The following CGNL1 variants were observed in gnomAD, a reference collection of about 807,000 sequenced individuals.
CGNL1 encodes the protein cingulin like 1.
A neutral mutation model predicts 141.2 loss-of-function variants in CGNL1; 132 were observed. The ratio of observed to expected loss-of-function variants is 0.93; its 90% confidence interval spans 0.81 to 1.08. The LOEUF (loss-of-function observed/expected upper bound fraction) is 1.08, where lower values mean the gene tolerates loss of function less well. Ranked by LOEUF, CGNL1 falls within the 50% of genes least tolerant of loss-of-function variation. CGNL1 has a pLI of 0.00. For missense variants in CGNL1, 1,870 were observed against 1,588.6 expected, an observed-to-expected ratio of 1.18 and a Z score of -3.01; for synonymous variants, 690 against 622.1, an observed-to-expected ratio of 1.11 and a Z score of -1.63.
intron 7 of CGNL1, among the ~76,000 whole-genome samples, chr15:57,454,021 A>G (rs1215261526): frequency 6.6e-6 from 1 of 152,102 alleles, no homozygotes; most frequent in Non-Finnish European, 1.5e-5. Flanking sequence ...TTTATTATGT[A>G]TTCTCTCTTC....
Position 57,548,663 on chromosome 15 carries a change from G to T in CGNL1, c.*1173G>T, listed in dbSNP as rs1379658474. 2 of 152,200 alleles carry T rather than the reference G, an allele frequency of 1.3e-5. No homozygotes were observed. The highest frequency in any genetic ancestry group is 2.9e-5 in the Non-Finnish European group (2 of 68,082). 9.4% of individuals were successfully genotyped at this position (152,200 alleles called of 1,614,324 possible). A position where few individuals can be genotyped will look rare whatever the true frequency, so the allele number is the denominator to read the frequency against. On this transcript the variant is annotated 3_prime_UTR_variant, in exon 19 of 19. Transcript: ENST00000281282. ...CACAGGTTGGGTAGGGAGAGTTGTA[G>T]GTAAGGCCTTAAACAAATGAGGCCG...
chr15:57,535,246 A>T (rs1278004858), intron 14 of CGNL1, among the ~76,000 whole-genome samples: 7 of 152,240 alleles, frequency 4.6e-5, no homozygotes, highest in Non-Finnish European at 8.8e-5. Context: ...TGCTGTGTGC[A>T]TGGCATTGCA....
intron 12 of CGNL1, among the ~76,000 whole-genome samples, chr15:57,528,373 A>AT (rs1225420806): frequency 1.3e-5 from 2 of 152,168 alleles, no homozygotes; most frequent in South Asian, 2.1e-4. Context: ...ATACTCTGCT[A>AT]TTTTTTTCTG....
intron 1 of CGNL1, among the ~76,000 whole-genome samples, chr15:57,391,993 C>G (rs2062549210): frequency 6.6e-6 from 1 of 151,388 alleles, no homozygotes; most frequent in African/African-American, 2.4e-5. Context: ...CACCTGACAC[C>G]ATCACAATAA....
At chr15:57,409,888 G>A (rs1161462527) in intron 1 of CGNL1, among the ~76,000 whole-genome samples, 1 of 152,210 alleles carries the variant, frequency 6.6e-6, no homozygotes. Context: ...AGTGGGAAGG[G>A]AATGAAGAAC....
chr15:57,390,735 G>A (rs1376020483), intron 1 of CGNL1, among the ~76,000 whole-genome samples: 4 of 152,056 alleles, frequency 2.6e-5, no homozygotes, highest in African/African-American at 7.2e-5. Context: ...GCTGCCTCTC[G>A]GCTGGCTGGA....
At chr15:57,411,178 C>T (rs1011297758) in intron 1 of CGNL1, among the ~76,000 whole-genome samples, 1 of 152,208 alleles carries the variant, frequency 6.6e-6, no homozygotes, top group African/African-American at 2.4e-5. Context: ...CTGACATGAG[C>T]CGGTCTCTGA....
chr15:57,428,649 G>T lies in CGNL1; in HGVS notation c.-15-9336G>T, dbSNP rs369096252. ...GAGCTGCCTCCAGTAGGTGAGCCTC[G>T]AAGAAAGAACAGGATTTTCATAGGT... On this transcript the variant is annotated intron_variant, in intron 1 of 18. Coordinates refer to ENST00000281282, the MANE Select transcript of CGNL1 (RefSeq NM_032866.5). 7.2e-4 allele frequency among the ~76,000 whole-genome samples: 109 copies of T among 152,250 alleles called. 2 individuals carry two copies. In the South Asian group the frequency reaches 0.021, roughly 29 times the overall value.
In CGNL1 at chr15:57,509,097, T is replaced by G. The variant is rs540309318; in HGVS notation, c.2404-7683T>G. The stretch of plus-strand genomic sequence containing the variant: ...TCAGAGTGAGGAAGGGACGCATTAT[T>G]GTGACCCGGGCCCTATTGTGCAAGT... On this transcript the variant is annotated intron_variant, in intron 8 of 18. Coordinates refer to ENST00000281282, the MANE Select transcript of CGNL1 (RefSeq NM_032866.5). Among the ~76,000 whole-genome samples the G allele has an allele frequency of 3.3e-5, 5 of 152,298 alleles. No individual in the cohort carries two copies. The South Asian group carries it at 8.3e-4, about 25-fold the overall frequency.
intron 8 of CGNL1, among the ~76,000 whole-genome samples, chr15:57,473,732 C>A (rs1595741944): frequency 1.3e-5 from 2 of 152,136 alleles, no homozygotes; most frequent in South Asian, 4.2e-4. Flanking sequence ...GGACTGAAGC[C>A]ACCTGTCAAC....
At chr15:57,503,512 G>A (rs1394428532) in intron 8 of CGNL1, among the ~76,000 whole-genome samples, 2 of 152,146 alleles carry the variant, frequency 1.3e-5, no homozygotes, top group African/African-American at 4.8e-5. Flanking sequence ...GGGCCCCCTT[G>A]TGTGTGGGGC....
chr15:57,503,309 C>T (rs947468030), intron 8 of CGNL1, among the ~76,000 whole-genome samples: 16 of 152,204 alleles, frequency 1.1e-4, no homozygotes, highest in African/African-American at 2.7e-4. Context: ...CTCAAAATCA[C>T]GAGTCACCTG....
At chr15:57,527,094 C>T (rs1309351839) in intron 12 of CGNL1, 1 of 152,070 alleles carries the variant, frequency 6.6e-6, no homozygotes, top group Non-Finnish European at 1.5e-5. Flanking sequence ...TATAGCACAT[C>T]CTCTGTATCC....
chr15:57,537,806 G>T (rs1360607052), intron 14 of CGNL1, among the ~76,000 whole-genome samples: 2 of 152,192 alleles, frequency 1.3e-5, no homozygotes, highest in Non-Finnish European at 2.9e-5. Flanking sequence ...TTTCAATCCA[G>T]CTGTGATATA....
chr15:57,509,447 G>A (rs759846405), intron 8 of CGNL1, among the ~76,000 whole-genome samples: 1 of 152,238 alleles, frequency 6.6e-6, no homozygotes, highest in Non-Finnish European at 1.5e-5. Context: ...GGAGGCTCTT[G>A]GCCTATGTGG....
intron 8 of CGNL1, among the ~76,000 whole-genome samples, chr15:57,481,764 C>T (rs1006700620): frequency 6.6e-6 from 1 of 151,722 alleles, no homozygotes; most frequent in African/African-American, 2.4e-5. Flanking sequence ...TAATTTTTTT[C>T]TGAGATAAAT....
chr15:57,441,174 T>TAC (rs1407383906), intron 3 of CGNL1, among the ~76,000 whole-genome samples: 7 of 152,150 alleles, frequency 4.6e-5, no homozygotes, highest in Admixed American at 3.9e-4. Flanking sequence ...TATTGTGCCT[T>TAC]ACAATTATTT....
intron 14 of CGNL1, 128 bp from the exon 15 acceptor site, chr15:57,543,567 AC>A: frequency 1.4e-6 from 1 of 737,558 alleles, no homozygotes; most frequent in Non-Finnish European, 2.4e-6. Flanking sequence ...AGCAGATGGC[AC>A]GAGGGGCTGG....
intron 1 of CGNL1, among the ~76,000 whole-genome samples, chr15:57,390,634 C>T (rs1487289271): frequency 4.6e-5 from 7 of 152,214 alleles, no homozygotes; most frequent in South Asian, 4.2e-4. Flanking sequence ...TGGGAGCTTG[C>T]GAGACCTAGG....
Sources: gnomAD v4.1 joint callset for allele counts (sites outside exome capture counted in the v4.1 genomes callset) on GRCh38, gnomAD v4.1.1 for gene constraint, MANE v1.5 for transcripts, NCBI Gene and HGNC (gene_info 2026-07-23, HGNC 2026-07-21) for gene names.